The following LAMC1 variants were observed in gnomAD, a reference collection of about 807,000 sequenced individuals.
The protein encoded by LAMC1 is laminin subunit gamma 1, also known as laminin subunit gamma-1.
In LAMC1, 38 loss-of-function variants were observed where a neutral mutation model predicts 173.6. That is an observed-to-expected ratio of 0.22 (90% CI 0.17 to 0.29). The LOEUF is 0.29. Among genes scored for constraint, LAMC1 ranks in the 10% least tolerant of loss-of-function variants. LAMC1 has a pLI of 1.00. For synonymous variants in LAMC1, 746 were observed against 749.1 expected (o/e 1.00, Z 0.07); for missense variants, 1,824 against 2,051.8 (o/e 0.89, Z 2.14).
Position 183,144,790 on chromosome 1 carries a change from G to A in LAMC1, c.*2000G>A, listed in dbSNP as rs879061562. On this transcript the variant is annotated 3_prime_UTR_variant, in exon 28 of 28. Transcript: ENST00000258341. Reference sequence around the variant, plus strand: ...GGAGTACATTTTGACTGAGCACTTAGGGCATCAGGAACAGTGCTACTTACT... The same window carrying A: ...GGAGTACATTTTGACTGAGCACTTAAGGCATCAGGAACAGTGCTACTTACT... The A allele has an allele frequency of 6.6e-6, 1 of 152,198 alleles. No homozygotes were observed. Among genetic ancestry groups the A allele is most frequent in the Non-Finnish European group, 1.5e-5 (1 of 68,054 alleles). The allele number at this position is 152,198 out of a possible 1,614,324, so 9.4% of individuals were successfully genotyped here. A position where few individuals can be genotyped will look rare whatever the true frequency, so the allele number is the denominator to read the frequency against.
intron 27 of LAMC1, 110 bp from the exon 28 acceptor site, chr1:183,142,424 G>T: frequency 8.7e-7 from 1 of 1,143,396 alleles, no homozygotes. Flanking sequence ...TTGCCGGGCT[G>T]CCTGTGCAGA....
intron 1 of LAMC1, among the ~76,000 whole-genome samples, chr1:183,025,969 G>T (rs1476496020): frequency 4.6e-5 from 7 of 152,188 alleles, no homozygotes; most frequent in Non-Finnish European, 1.0e-4. Context: ...AGATAATGCG[G>T]TAGAGTAACC....
chr1:183,135,888 C>CT (rs1656925500), intron 24 of LAMC1, among the ~76,000 whole-genome samples: 1 of 88,786 alleles, frequency 1.1e-5, no homozygotes, highest in Admixed American at 1.4e-4. Flanking sequence ...AACCTTGTCT[C>CT]TCAAAAAAAA....
In LAMC1 at chr1:183,135,130, C is replaced by T; in HGVS notation, c.4088C>T (p.Ala1363Val). ...AKKGRDTLQE[A>V]NDILNNLKDF... ...AAGGGACGGGATACCTTACAAGAAG[C>T]TAATGACATTCTCAACAACCTGAAA... Residue 1363 changes from alanine (A) to valine (V), a missense_variant, in exon 24 of 28, where the codon GCT becomes GTT. Transcript: ENST00000258341. 6.2e-7 allele frequency: 1 copy of T among 1,613,070 alleles called. No individual in the cohort carries two copies. Among genetic ancestry groups the T allele is most frequent in the Non-Finnish European group, 8.5e-7 (1 of 1,179,060 alleles).
At chr1:183,035,406 C>T (rs898256515) in intron 1 of LAMC1, among the ~76,000 whole-genome samples, 15 of 152,044 alleles carry the variant, frequency 9.9e-5, no homozygotes, top group Admixed American at 7.9e-4. Context: ...AGACTGGACC[C>T]GAACTCCTGG....
At chr1:183,114,769 C>A (rs749854366) in intron 5 of LAMC1, 50 bp downstream of exon 5, 2 of 1,560,340 alleles carry the variant, frequency 1.3e-6, no homozygotes, top group African/African-American at 2.7e-5. Context: ...TTCCGTGGAC[C>A]CCCGGAAAGG....
chr1:183,046,010 T>C (rs893151889), intron 1 of LAMC1, among the ~76,000 whole-genome samples: 5 of 152,094 alleles, frequency 3.3e-5, no homozygotes, highest in African/African-American at 1.2e-4. Flanking sequence ...CTTTGTCAGT[T>C]ATGTGTTTTC....
intron 1 of LAMC1, among the ~76,000 whole-genome samples, chr1:183,035,992 A>G (rs1025390805): frequency 1.3e-5 from 2 of 152,188 alleles, no homozygotes; most frequent in East Asian, 1.9e-4. Flanking sequence ...TTTTTCCTAT[A>G]TAAATGATTC....
At chr1:183,095,151 A>G (rs1655661148) in intron 1 of LAMC1, among the ~76,000 whole-genome samples, 2 of 152,150 alleles carry the variant, frequency 1.3e-5, no homozygotes, top group African/African-American at 2.4e-5. Context: ...GGTGGATTAG[A>G]GTATTTTAAA....
At chr1:183,123,136 T>C (rs907038116) in intron 13 of LAMC1, among the ~76,000 whole-genome samples, 3 of 152,248 alleles carry the variant, frequency 2.0e-5, no homozygotes, top group African/African-American at 7.2e-5. Flanking sequence ...TTAGTAAATA[T>C]GCTGCCATTA....
chr1:183,052,747 T>C (rs540739598), intron 1 of LAMC1, among the ~76,000 whole-genome samples: 1 of 152,308 alleles, frequency 6.6e-6, no homozygotes, highest in East Asian at 1.9e-4. Flanking sequence ...TGTCTTATAA[T>C]AATATATCAC....
intron 3 of LAMC1, 71 bp from the exon 4 acceptor site, chr1:183,110,417 A>G (rs1380734396): frequency 3.3e-6 from 4 of 1,205,516 alleles, no homozygotes; most frequent in African/African-American, 3.0e-5. Flanking sequence ...CTTTGTGTAC[A>G]TAGTTTTTCT....
Position 183,136,371 on chromosome 1 carries a change from T to TA in LAMC1, c.4115-15_4115-14insA, listed in dbSNP as rs1286486660. The TA allele has an allele frequency of 6.2e-7, 1 of 1,613,056 alleles. No individual in the cohort carries two copies. Among genetic ancestry groups the TA allele is most frequent in the South Asian group, 1.1e-5 (1 of 90,924 alleles). ...TTGGGAGTTTAGCTCAAATGTGTCC[T>TA]TGAACTTGTTTCAGATTTTGATAGG... On this transcript the variant is annotated splice_polypyrimidine_tract_variant and intron_variant, in intron 24 of 27. Coordinates refer to ENST00000258341, the MANE Select transcript of LAMC1 (RefSeq NM_002293.4).
intron 5 of LAMC1, 112 bp from the exon 6 acceptor site, chr1:183,115,408 A>C: frequency 1.3e-6 from 1 of 741,968 alleles, no homozygotes; most frequent in Non-Finnish European, 2.4e-6. Flanking sequence ...AGGAGATTGC[A>C]TACTGGTTCT....
chr1:183,105,245 AAG>A (rs560138413), intron 2 of LAMC1, among the ~76,000 whole-genome samples: 27,645 of 106,174 alleles, frequency 0.26, 4,719 homozygotes, highest in East Asian at 0.34. Flanking sequence ...AAAAAAAAAA[AAG>A]AAAGAAAGAA....
At chr1:183,066,129 T>A (rs1390285498) in intron 1 of LAMC1, among the ~76,000 whole-genome samples, 1 of 152,250 alleles carries the variant, frequency 6.6e-6, no homozygotes, top group Non-Finnish European at 1.5e-5. Flanking sequence ...TATATCCTTT[T>A]ACCAAGTGTA....
intron 18 of LAMC1, among the ~76,000 whole-genome samples, chr1:183,129,082 C>CTTTTTTT (rs201079710): frequency 4.5e-5 from 5 of 110,016 alleles, no homozygotes; most frequent in African/African-American, 1.4e-4. Context: ...TCTTCATAAG[C>CTTTTTTT]TTTTTTTTTT....
In LAMC1 at chr1:183,132,492, C is replaced by A. The variant is rs772358015; in HGVS notation, c.3659C>A (p.Ala1220Glu). The change falls in exon 21 of 28, where the codon GCA becomes GAA. Residue 1220 changes from alanine to glutamate, a missense_variant. Coordinates refer to ENST00000258341, the MANE Select transcript of LAMC1 (RefSeq NM_002293.4). ...TACAACCTGCTTCTGAGGACACTGG[C>A]AGGAGAAAATCAAACAGCATTTGAG... Reference protein sequence around the residue: ...EAYNLLLRTLAGENQTAFEIE... With the variant: ...EAYNLLLRTLEGENQTAFEIE... 3.1e-6 allele frequency: 5 copies of A among 1,613,680 alleles called. No individual in the cohort carries two copies. Among genetic ancestry groups the A allele is most frequent in the Non-Finnish European group, 4.2e-6 (5 of 1,179,750 alleles).
chr1:183,085,507 T>C (rs1655403004), intron 1 of LAMC1, among the ~76,000 whole-genome samples: 1 of 151,904 alleles, frequency 6.6e-6, no homozygotes, highest in Non-Finnish European at 1.5e-5. Context: ...GGACCACAGG[T>C]GCAAGCCACC....
Sources: allele counts gnomAD v4.1 joint callset (sites outside exome capture counted in the v4.1 genomes callset), GRCh38; gene constraint gnomAD v4.1.1; transcripts MANE v1.5; gene names NCBI Gene and HGNC (gene_info 2026-07-23, HGNC 2026-07-21).